ITGB3BP: variants seen among roughly 807,000 people sequenced by gnomAD.
ITGB3BP encodes the protein centromere protein R.
ITGB3BP carries 27 observed loss-of-function variants against 29.1 expected under a neutral mutation model. That is an observed-to-expected ratio of 0.93 (90% CI 0.68 to 1.28). The LOEUF is 1.28. Among genes scored for constraint, ITGB3BP ranks in the 50% most tolerant of loss-of-function variants. The pLI, the probability that ITGB3BP is intolerant of heterozygous loss-of-function variation, is 0.00. For synonymous variants in ITGB3BP, 61 were observed against 61.4 expected (o/e 0.99, Z 0.03); for missense variants, 192 against 200.2 (o/e 0.96, Z 0.25).
intron 1 of ITGB3BP, among the ~76,000 whole-genome samples, chr1:63,520,935 A>T (rs1037201413): frequency 2.0e-5 from 3 of 152,164 alleles, no homozygotes; most frequent in Non-Finnish European, 4.4e-5. Flanking sequence ...CAAATTGGTT[A>T]TTTCACTCAT....
intron 7 of ITGB3BP, chr1:63,449,626 G>A (rs1644835806): frequency 6.5e-6 from 1 of 153,498 alleles, no homozygotes; most frequent in Admixed American, 6.6e-5. Context: ...ATACATGATA[G>A]CTGAATCATT....
At chr1:63,492,649 T>C (rs1466103618) in intron 2 of ITGB3BP, among the ~76,000 whole-genome samples, 1 of 152,070 alleles carries the variant, frequency 6.6e-6, no homozygotes, top group Non-Finnish European at 1.5e-5. Flanking sequence ...AACTGAGAAG[T>C]CAGCAATCCT....
chr1:63,512,995 G>A (rs77570947), intron 1 of ITGB3BP, among the ~76,000 whole-genome samples: 2,326 of 152,144 alleles, frequency 0.015, 52 homozygotes, highest in African/African-American at 0.053. Flanking sequence ...GGGCCTATCT[G>A]ATATTTCCCC....
At chr1:63,513,099 G>A (rs921901449) in intron 1 of ITGB3BP, among the ~76,000 whole-genome samples, 1 of 152,122 alleles carries the variant, frequency 6.6e-6, no homozygotes, top group Non-Finnish European at 1.5e-5. Context: ...TTGATGTATT[G>A]TAATATCAGT....
chr1:63,454,540 A>T lies in ITGB3BP; in HGVS notation c.334-67T>A. The T allele has an allele frequency of 1.4e-6, 1 of 727,268 alleles. No homozygotes were observed. The highest frequency in any genetic ancestry group is 2.3e-6 in the Non-Finnish European group (1 of 426,700). 45.1% of individuals were successfully genotyped at this position (727,268 alleles called of 1,614,324 possible). The stretch of plus-strand genomic sequence containing the variant: ...CATGAGATTACTGACATGTCTAGTG[A>T]AAATACAGTATATTGTTTCCTTCAT... On this transcript the variant is annotated intron_variant, in intron 5 of 8. Coordinates refer to ENST00000271002, the MANE Select transcript of ITGB3BP (RefSeq NM_014288.5). The surrounding 1 kb of genome is among the most constrained non-coding windows in gnomAD (Gnocchi z 4.1).
chr1:63,521,634 C>A (rs189085793), intron 1 of ITGB3BP, among the ~76,000 whole-genome samples: 1 of 152,164 alleles, frequency 6.6e-6, no homozygotes, highest in East Asian at 1.9e-4. Context: ...GACTTCAAGA[C>A]CAGGCTGGGC....
At chr1:63,478,658 T>A in intron 4 of ITGB3BP, 106 bp downstream of exon 4, 1 of 593,070 alleles carries the variant, frequency 1.7e-6, no homozygotes, top group South Asian at 2.1e-5. Flanking sequence ...AGGTCAGGTA[T>A]AAACTATTAA....
At chr1:63,516,926 G>A (rs1026084100) in intron 1 of ITGB3BP, among the ~76,000 whole-genome samples, 1 of 151,804 alleles carries the variant, frequency 6.6e-6, no homozygotes, top group African/African-American at 2.4e-5. Flanking sequence ...GCACCTACGA[G>A]CTCAAACCTC....
chr1:63,466,477 C>T (rs1213358958), intron 4 of ITGB3BP, among the ~76,000 whole-genome samples: 1 of 152,222 alleles, frequency 6.6e-6, no homozygotes, highest in Non-Finnish European at 1.5e-5. Flanking sequence ...AGTTAGCCAG[C>T]AGGGCATTGC....
intron 7 of ITGB3BP, chr1:63,447,177 G>T (rs1271239535): frequency 6.9e-6 from 2 of 291,076 alleles, no homozygotes; most frequent in Non-Finnish European, 1.3e-5. Flanking sequence ...ATATCCCTGA[G>T]GGCAGGACTA....
chr1:63,492,302 A>T (rs1301535781), intron 2 of ITGB3BP, among the ~76,000 whole-genome samples: 1 of 151,854 alleles, frequency 6.6e-6, no homozygotes, highest in African/African-American at 2.4e-5. Context: ...AAAAAGAAAA[A>T]TGTCTATCTA....
Position 63,478,807 on chromosome 1 carries a change from TG to T in ITGB3BP, c.210del (p.Ser71ValfsTer2). 2 of 1,448,424 alleles carry T rather than the reference TG, an allele frequency of 1.4e-6. No homozygotes were observed. Among genetic ancestry groups the T allele is most frequent in the Non-Finnish European group, 1.9e-6 (2 of 1,071,160 alleles). The allele number at this position is 1,448,424 out of a possible 1,614,324, so 89.7% of individuals were successfully genotyped here. The stretch of plus-strand genomic sequence containing the variant: ...GTAGATTCTTTGCTTTCAGTTAAAC[TG>T]GGGTGATTCAATTTTTTTCTCTTTT... ...SNEKRKKLNH[P>X]SLTESKESTT... On this transcript the variant is annotated frameshift_variant, in exon 4 of 9. Transcript: ENST00000271002. LOFTEE classifies it high-confidence loss of function.
intron 8 of ITGB3BP, among the ~76,000 whole-genome samples, 180 bp from the exon 9 acceptor site, chr1:63,441,283 GCTGGA>G (rs1644727125): frequency 6.6e-6 from 1 of 152,110 alleles, no homozygotes; most frequent in Non-Finnish European, 1.5e-5. Flanking sequence ...TCTCCCCCAG[GCTGGA>G]GTGGAGTGGC....
intron 2 of ITGB3BP, among the ~76,000 whole-genome samples, chr1:63,508,042 A>G (rs754184505): frequency 6.6e-6 from 1 of 152,192 alleles, no homozygotes; most frequent in Non-Finnish European, 1.5e-5. Flanking sequence ...TTTCATTGTG[A>G]TAACTGTGGT....
At chr1:63,445,513 A>G (rs1644780021) in intron 8 of ITGB3BP, among the ~76,000 whole-genome samples, 1 of 152,144 alleles carries the variant, frequency 6.6e-6, no homozygotes, top group Admixed American at 6.5e-5. Flanking sequence ...AAAGAAAAGT[A>G]TCTTGGAGGT....
At chr1:63,507,640 T>C (rs1646110174) in intron 2 of ITGB3BP, among the ~76,000 whole-genome samples, 1 of 152,226 alleles carries the variant, frequency 6.6e-6, no homozygotes, top group East Asian at 1.9e-4. Flanking sequence ...CTGTTAATGA[T>C]TTTTTAAGTG....
intron 3 of ITGB3BP, among the ~76,000 whole-genome samples, chr1:63,480,498 A>G (rs1223416017): frequency 6.6e-6 from 1 of 152,146 alleles, no homozygotes; most frequent in Non-Finnish European, 1.5e-5. Context: ...ATGAACAAGC[A>G]AATGAATGAA....
chr1:63,504,158 T>C (rs1213580835), intron 2 of ITGB3BP, among the ~76,000 whole-genome samples: 1 of 151,940 alleles, frequency 6.6e-6, no homozygotes, highest in African/African-American at 2.4e-5. Flanking sequence ...TGGAATGTTC[T>C]TCCATTTCTT....
intron 8 of ITGB3BP, among the ~76,000 whole-genome samples, chr1:63,446,286 TA>T (rs555643571): frequency 5.5e-4 from 84 of 152,362 alleles, no homozygotes; most frequent in African/African-American, 1.9e-3. Flanking sequence ...TTATTTGTTA[TA>T]ATAAGCTATT....
Sources: gnomAD v4.1 joint callset for allele counts (sites outside exome capture counted in the v4.1 genomes callset) on GRCh38, gnomAD v4.1.1 for gene constraint, Gnocchi (gnomAD v3.1) non-coding constraint, MANE v1.5 for transcripts, NCBI Gene and HGNC (gene_info 2026-07-23, HGNC 2026-07-21) for gene names.